ATXN1: variants seen among roughly 807,000 people sequenced by gnomAD.
ATXN1 encodes ataxin-1.
Under a neutral mutation model 56.4 loss-of-function variants are expected in ATXN1, and 8 were observed. That is an observed-to-expected ratio of 0.14 (90% CI 0.08 to 0.26). The LOEUF (loss-of-function observed/expected upper bound fraction) is 0.26, where lower values mean the gene tolerates loss of function less well. Ranked by LOEUF, ATXN1 falls within the 10% of genes least tolerant of loss-of-function variation. The pLI is 1.00. For missense variants in ATXN1, 987 were observed against 1,106.5 expected, an observed-to-expected ratio of 0.89 and a Z score of 1.53; for synonymous variants, 514 against 494.6, an observed-to-expected ratio of 1.04 and a Z score of -0.52.
intron 6 of ATXN1, among the ~76,000 whole-genome samples, chr6:16,441,956 A>T (rs1208067990): frequency 6.6e-6 from 1 of 152,226 alleles, no homozygotes; most frequent in Non-Finnish European, 1.5e-5. Flanking sequence ...GCAAATGCTT[A>T]AAATCGTGAC....
chr6:16,685,424 G>A (rs1561807782), intron 2 of ATXN1, among the ~76,000 whole-genome samples: 1 of 152,164 alleles, frequency 6.6e-6, no homozygotes, highest in East Asian at 1.9e-4. Flanking sequence ...GGCATCTTAG[G>A]GAGTTCCCCC....
intron 3 of ATXN1, among the ~76,000 whole-genome samples, chr6:16,605,552 A>G (rs536111160): frequency 1.8e-4 from 27 of 152,310 alleles, no homozygotes; most frequent in Non-Finnish European, 3.5e-4. Flanking sequence ...AAATTATTCA[A>G]AGAGAATGGG....
At chr6:16,607,121 G>T (rs1423822494) in intron 3 of ATXN1, among the ~76,000 whole-genome samples, 1 of 151,886 alleles carries the variant, frequency 6.6e-6, no homozygotes, top group Non-Finnish European at 1.5e-5. Flanking sequence ...TGATCCACCC[G>T]CCTTGGCCTC....
chr6:16,705,096 T>C (rs539594583), intron 2 of ATXN1, among the ~76,000 whole-genome samples: 1 of 152,296 alleles, frequency 6.6e-6, no homozygotes, highest in South Asian at 2.1e-4. Flanking sequence ...TATGACACGA[T>C]TGCCCACAGC....
chr6:16,667,489 G>A (rs772756070), intron 2 of ATXN1: 2 of 152,184 alleles, frequency 1.3e-5, no homozygotes, highest in South Asian at 2.1e-4. Context: ...CAAGCCACAC[G>A]CTGGATTCTG....
At chr6:16,504,574 T>G (rs137855401) in intron 5 of ATXN1, among the ~76,000 whole-genome samples, 19 of 152,248 alleles carry the variant, frequency 1.2e-4, no homozygotes, top group African/African-American at 4.6e-4. Context: ...ATTTTAAATG[T>G]TTTTCATATA....
intron 2 of ATXN1, among the ~76,000 whole-genome samples, chr6:16,692,593 T>A (rs1448522571): frequency 6.6e-6 from 1 of 152,188 alleles, no homozygotes; most frequent in Non-Finnish European, 1.5e-5. Flanking sequence ...ACATTTCATA[T>A]AATTTTGGCC....
Position 16,327,465 on chromosome 6 carries a change from G to C in ATXN1, c.846C>G (p.Thr282=). The C allele has an allele frequency of 6.2e-7, 1 of 1,613,554 alleles. No individual in the cohort carries two copies. Among genetic ancestry groups the C allele is most frequent in the Non-Finnish European group, 8.5e-7 (1 of 1,179,954 alleles). The change falls in exon 7 of 8, where the codon ACC becomes ACG. Residue 282 remains threonine (T), a synonymous_variant. Coordinates refer to ENST00000436367, the MANE Select transcript of ATXN1 (RefSeq NM_001128164.2). ...TGACGACCTGGGAGGGGGGCCCCAG[G>C]GTGAGCGTGTGTGGGATCATCGTCT... ...PHQTMIPHTL[T]LGPPSQVVMQ...
intron 2 of ATXN1, among the ~76,000 whole-genome samples, chr6:16,704,031 G>A (rs1759351249): frequency 6.6e-6 from 1 of 152,094 alleles, no homozygotes; most frequent in Non-Finnish European, 1.5e-5. Context: ...AAAAAACAAA[G>A]CAATAACAAC....
chr6:16,410,346 G>A lies in ATXN1; in HGVS notation c.-161+75626C>T, dbSNP rs184523367. On this transcript the variant is annotated intron_variant, in intron 6 of 7. Transcript: ENST00000436367. This position sits in a 1 kb window ranked among gnomAD's most constrained non-coding sequence, Gnocchi z 4.6. ...ATTAGAGAACCAAACAAGTGCTGAAGGGACCCCTATGGAGGCAGAGAACCT... is the reference window on the plus strand; with the variant it reads ...ATTAGAGAACCAAACAAGTGCTGAAAGGACCCCTATGGAGGCAGAGAACCT... Among the ~76,000 whole-genome samples the A allele has an allele frequency of 1.8e-3, 268 of 152,348 alleles. No individual in the cohort carries two copies. Among genetic ancestry groups the A allele is most frequent in the African/African-American group, 6.0e-3 (250 of 41,586 alleles).
intron 2 of ATXN1, among the ~76,000 whole-genome samples, chr6:16,742,195 C>T (rs1173388443): frequency 1.3e-5 from 2 of 151,988 alleles, no homozygotes; most frequent in East Asian, 3.9e-4. Context: ...TCAAACCAAA[C>T]AAAACTGCTA....
chr6:16,666,112 T>C (rs1274964845), intron 2 of ATXN1, among the ~76,000 whole-genome samples: 1 of 152,230 alleles, frequency 6.6e-6, no homozygotes, highest in African/African-American at 2.4e-5. Flanking sequence ...TTATAGCCAC[T>C]AACCAACCTC....
chr6:16,522,482 C>T (rs1029356796), intron 5 of ATXN1, 145 bp downstream of exon 5: 4 of 151,962 alleles, frequency 2.6e-5, no homozygotes, highest in Non-Finnish European at 4.4e-5. Context: ...TGAGGAGAGT[C>T]AAAGAATAGG....
chr6:16,466,255 T>C (rs1180963639), intron 6 of ATXN1, among the ~76,000 whole-genome samples: 1 of 142,674 alleles, frequency 7.0e-6, no homozygotes, highest in African/African-American at 2.7e-5. Flanking sequence ...GGGGCAGAGA[T>C]TGCAGTGAGC....
intron 6 of ATXN1, among the ~76,000 whole-genome samples, chr6:16,355,844 G>C (rs1249560149): frequency 1.3e-5 from 2 of 151,912 alleles, no homozygotes; most frequent in Non-Finnish European, 2.9e-5. Context: ...GATTACAGGC[G>C]TGAGGCACCA....
intron 6 of ATXN1, among the ~76,000 whole-genome samples, chr6:16,383,373 T>G (rs558274851): frequency 2.6e-4 from 39 of 152,232 alleles, no homozygotes; most frequent in Admixed American, 7.2e-4. Flanking sequence ...TTAAATGTAG[T>G]TATATATTTC....
chr6:16,367,333 TTCTC>T (rs754991999), intron 6 of ATXN1, among the ~76,000 whole-genome samples: 35 of 79,174 alleles, frequency 4.4e-4, no homozygotes, highest in Middle Eastern at 6.1e-3. Flanking sequence ...AAGATTCTGT[TTCTC>T]TCTCTCTCTC....
chr6:16,347,606 CTCTGTA>C (rs1761446019), intron 6 of ATXN1, among the ~76,000 whole-genome samples: 1 of 152,214 alleles, frequency 6.6e-6, no homozygotes, highest in African/African-American at 2.4e-5. Context: ...CCAATCCACA[CTCTGTA>C]TCTAGCTACT....
chr6:16,366,512 G>A (rs922137374), intron 6 of ATXN1, among the ~76,000 whole-genome samples: 1 of 152,124 alleles, frequency 6.6e-6, no homozygotes. Flanking sequence ...TGGGCACGGT[G>A]GCTCATGCCT....
Sources: allele counts gnomAD v4.1 joint callset (sites outside exome capture counted in the v4.1 genomes callset), GRCh38; gene constraint gnomAD v4.1.1; non-coding constraint Gnocchi (gnomAD v3.1); transcripts MANE v1.5; gene names NCBI Gene and HGNC (gene_info 2026-07-23, HGNC 2026-07-21).